The following KDM7A variants were observed in gnomAD, a reference collection of about 807,000 sequenced individuals.
KDM7A encodes the protein lysine-specific demethylase 7A.
Under a neutral mutation model 114.8 loss-of-function variants are expected in KDM7A, and 28 were observed. That is an observed-to-expected ratio of 0.24 (90% CI 0.18 to 0.33). The LOEUF (loss-of-function observed/expected upper bound fraction) is 0.33. KDM7A is among the 10% of genes least tolerant of loss of function. The probability of loss-of-function intolerance (pLI) is 1.00; values close to 1 mark genes in which losing one functional copy is unlikely to be tolerated. For synonymous variants in KDM7A, 423 were observed against 397.8 expected (o/e 1.06, Z -0.75); for missense variants, 942 against 1,142.5 (o/e 0.82, Z 2.53).
chr7:140,114,562 G>A (rs535592512), intron 9 of KDM7A, among the ~76,000 whole-genome samples: 321 of 152,220 alleles, frequency 2.1e-3, no homozygotes, highest in African/African-American at 7.3e-3. Context: ...CCAAAGTGCC[G>A]AGATTGCAGC....
rs552770977 is a variant in KDM7A at position 140,125,948 on chromosome 7, A to G, written c.888+689T>C. Among the ~76,000 whole-genome samples, 27 of 151,684 alleles carry G rather than the reference A, an allele frequency of 1.8e-4. No individual in the cohort carries two copies. In the East Asian group the frequency reaches 4.8e-3, roughly 27 times the overall value. On this transcript the variant is annotated intron_variant, in intron 6 of 19. Coordinates refer to ENST00000397560, the MANE Select transcript of KDM7A (RefSeq NM_030647.2). ...GAGACAGGATCTCGCTCTGTTGCCC[A>G]GGCTGGAATGCAGTGGTGCAATCAC...
intron 9 of KDM7A, among the ~76,000 whole-genome samples, chr7:140,117,763 A>G (rs1818555385): frequency 6.6e-6 from 1 of 152,228 alleles, no homozygotes; most frequent in African/African-American, 2.4e-5. Flanking sequence ...TCTACAGTCC[A>G]TTGTGACATT....
At chr7:140,169,032 G>A (rs1306904577) in intron 1 of KDM7A, among the ~76,000 whole-genome samples, 1 of 152,110 alleles carries the variant, frequency 6.6e-6, no homozygotes, top group Non-Finnish European at 1.5e-5. Context: ...GTATTTCCTA[G>A]CTCTGTCCTC....
chr7:140,100,394 T>C (rs1287216113), intron 12 of KDM7A, among the ~76,000 whole-genome samples: 1 of 152,064 alleles, frequency 6.6e-6, no homozygotes, highest in Non-Finnish European at 1.5e-5. Flanking sequence ...CTACTGGGCC[T>C]TTCCATTCAC....
chr7:140,113,314 TAAA>T (rs574976577), intron 10 of KDM7A, among the ~76,000 whole-genome samples, 174 bp downstream of exon 10: 1 of 152,234 alleles, frequency 6.6e-6, no homozygotes, highest in South Asian at 2.1e-4. Context: ...TTTATTCTCA[TAAA>T]AGAAGCCAGT....
rs1032342490 is a variant in KDM7A, at chr7:140,176,312, G to T, written c.194+432C>A. On this transcript the variant is annotated intron_variant, in intron 1 of 19. Transcript: ENST00000397560. This position sits in a 1 kb window ranked among gnomAD's most constrained non-coding sequence, Gnocchi z 4.4. ...GGCGCGTCGGCCGGCCGGGCAGAGCGGCGGGGCGGCCGGCGACTCCGGCCG... is the reference window on the plus strand; with the variant it reads ...GGCGCGTCGGCCGGCCGGGCAGAGCTGCGGGGCGGCCGGCGACTCCGGCCG... 5.7e-4 allele frequency among the ~76,000 whole-genome samples: 83 copies of T among 144,886 alleles called. No homozygotes were observed. Among genetic ancestry groups the T allele is most frequent in the Non-Finnish European group, 8.8e-4 (58 of 65,990 alleles).
At chr7:140,099,350 C>T (rs867673911) in intron 13 of KDM7A, among the ~76,000 whole-genome samples, 12 of 152,126 alleles carry the variant, frequency 7.9e-5, no homozygotes, top group Admixed American at 1.3e-4. Context: ...ATGGCCACCA[C>T]ACCCAGCTAA....
chr7:140,115,218 G>T (rs1818506480), intron 9 of KDM7A, among the ~76,000 whole-genome samples: 1 of 151,322 alleles, frequency 6.6e-6, no homozygotes. Context: ...CGGGAGGTAG[G>T]GGGCGCCTCT....
At position 140,176,708 on chromosome 7, in the gene KDM7A, C is replaced by T; in HGVS notation, c.194+36G>A. Reference sequence around the variant, plus strand: ...GCGGCGGCGGTTGGTCGGTGGCCGGCGGTGGCGGCTGCGGGGCTGGAGGGG... The same window carrying T: ...GCGGCGGCGGTTGGTCGGTGGCCGGTGGTGGCGGCTGCGGGGCTGGAGGGG... On this transcript the variant is annotated intron_variant, in intron 1 of 19. Transcript: ENST00000397560. The surrounding 1 kb of genome is among the most constrained non-coding windows in gnomAD (Gnocchi z 4.4). 1 of 1,201,778 alleles carries T rather than the reference C, an allele frequency of 8.3e-7. No homozygotes were observed. Among genetic ancestry groups the T allele is most frequent in the Non-Finnish European group, 1.1e-6 (1 of 945,550 alleles). 74.4% of individuals were successfully genotyped at this position (1,201,778 alleles called of 1,614,324 possible).
chr7:140,176,792 T>A lies in KDM7A; in HGVS notation c.146A>T (p.Asn49Ile). The stretch of plus-strand genomic sequence containing the variant: ...GATATCGCACTCGATCATGAAGCGG[T>A]TCACGTCGTACGGCTGCCGGCACAC... ...YCVCRQPYDV[N>I]RFMIECDICK... The change falls in exon 1 of 20, where the codon AAC (asparagine) becomes ATC (isoleucine). Residue 49 changes from asparagine (N) to isoleucine (I), a missense_variant. Around this residue, in one of 4 missense-constraint regions of KDM7A, gnomAD observed 112 missense variants for 96.2 expected, o/e 1.16. Coordinates refer to ENST00000397560, the MANE Select transcript of KDM7A (RefSeq NM_030647.2). This position sits in a 1 kb window ranked among gnomAD's most constrained non-coding sequence, Gnocchi z 4.4. 1 of 1,418,914 alleles carries A rather than the reference T, an allele frequency of 7.0e-7. No individual in the cohort carries two copies. The highest frequency in any genetic ancestry group is 9.4e-7 in the Non-Finnish European group (1 of 1,064,880). The allele number at this position is 1,418,914 out of a possible 1,614,324, so 87.9% of individuals were successfully genotyped here.
At position 140,087,367 on chromosome 7, in the gene KDM7A, A is replaced by C. The variant is rs1817944469; in HGVS notation, c.*3727T>G. On this transcript the variant is annotated 3_prime_UTR_variant, in exon 20 of 20. Transcript: ENST00000397560. ...CACTCTCTTATCCATAAACAACTTCATTTTTCTTCCACTTCAAGCACGAAA... is the reference window on the plus strand; with the variant it reads ...CACTCTCTTATCCATAAACAACTTCCTTTTTCTTCCACTTCAAGCACGAAA... 1 of 151,942 alleles carries C rather than the reference A, an allele frequency of 6.6e-6. No individual in the cohort carries two copies. Among genetic ancestry groups the C allele is most frequent in the African/African-American group, 2.4e-5 (1 of 41,346 alleles). The allele number at this position is 151,942 out of a possible 1,614,324, so 9.4% of individuals were successfully genotyped here. A position where few individuals can be genotyped will look rare whatever the true frequency, so the allele number is the denominator to read the frequency against.
At chr7:140,133,490 G>A (rs776424656) in intron 3 of KDM7A, 49 bp downstream of exon 3, 2 of 1,093,178 alleles carry the variant, frequency 1.8e-6, no homozygotes, top group Non-Finnish European at 2.8e-6. Flanking sequence ...TCTATGAGAC[G>A]ACATTCTTAC....
intron 18 of KDM7A, 69 bp from the exon 19 acceptor site, chr7:140,092,146 A>G: frequency 6.9e-7 from 1 of 1,440,076 alleles, no homozygotes; most frequent in Non-Finnish European, 9.6e-7. Context: ...CTCTCTATGC[A>G]TTGGCAAAGT....
intron 1 of KDM7A, among the ~76,000 whole-genome samples, chr7:140,173,031 CAG>C (rs1794664072): frequency 6.6e-6 from 1 of 151,972 alleles, no homozygotes; most frequent in Non-Finnish European, 1.5e-5. Flanking sequence ...AGGAAGAAAA[CAG>C]AAACTCTAAT....
chr7:140,097,631 G>T lies in KDM7A; in HGVS notation c.1930C>A (p.Arg644Ser), dbSNP rs6950119. Residue 644 changes from arginine to serine, a missense_variant, in exon 15 of 20, where the codon CGT (arginine) becomes AGT (serine). Transcript: ENST00000397560. ...SQKPLNGFFT[R>S]VKSELRSRSS... ...CTACTCCTGAGTTCTGATTTCACACGTGTAAAAAACCCTGAAAAAGAATGA... is the reference window on the plus strand; with the variant it reads ...CTACTCCTGAGTTCTGATTTCACACTTGTAAAAAACCCTGAAAAAGAATGA... 0.32 allele frequency: 499,716 copies of T among 1,564,186 alleles called. 82,511 individuals carry two copies. The highest frequency in any genetic ancestry group is 0.48 in the Middle Eastern group (2,864 of 5,926).
intron 1 of KDM7A, among the ~76,000 whole-genome samples, chr7:140,166,255 T>C (rs575732079): frequency 6.6e-6 from 1 of 152,056 alleles, no homozygotes; most frequent in East Asian, 1.9e-4. Flanking sequence ...TCTCCACAGA[T>C]GCTGAAGGAG....
chr7:140,100,715 T>TATATATATATATATACAC (rs1818202283), intron 12 of KDM7A, among the ~76,000 whole-genome samples: 3 of 49,070 alleles, frequency 6.1e-5, no homozygotes, highest in Non-Finnish European at 1.3e-4. Context: ...TATACACATA[T>TATATATATATATATACAC]ATATATATAT....
chr7:140,126,933 TAAC>T lies in KDM7A; in HGVS notation c.702-113_702-111del, dbSNP rs1818714801. 6.4e-6 allele frequency: 5 copies of T among 775,846 alleles called. No homozygotes were observed. In the Admixed American group the frequency reaches 1.2e-4, roughly 19 times the overall value. The allele number at this position is 775,846 out of a possible 1,614,324, so 48.1% of individuals were successfully genotyped here. On this transcript the variant is annotated intron_variant, in intron 5 of 19. Coordinates refer to ENST00000397560, the MANE Select transcript of KDM7A (RefSeq NM_030647.2). ...CAAATAATTAAATGGAACTTAAGGTTAACAACAACACTTAAAAGTTTAAAACAC... is the reference window on the plus strand; with the variant it reads ...CAAATAATTAAATGGAACTTAAGGTTAACAACACTTAAAAGTTTAAAACAC...
intron 1 of KDM7A, among the ~76,000 whole-genome samples, chr7:140,162,996 CTTTTT>C (rs531552532): frequency 1.5e-5 from 2 of 137,646 alleles, no homozygotes; most frequent in Non-Finnish European, 1.6e-5. Flanking sequence ...CTTTTCTTTC[CTTTTT>C]TTTTTTTTTT....
Sources: allele counts gnomAD v4.1 joint callset (sites outside exome capture counted in the v4.1 genomes callset), GRCh38; gene constraint gnomAD v4.1.1; regional missense constraint gnomAD v4.1.1; non-coding constraint Gnocchi (gnomAD v3.1); transcripts MANE v1.5; gene names NCBI Gene and HGNC (gene_info 2026-07-23, HGNC 2026-07-21).